MINK1: variants seen among roughly 807,000 people sequenced by gnomAD.
MINK1 encodes the protein misshapen like kinase 1.
A neutral mutation model predicts 178.4 loss-of-function variants in MINK1; 46 were observed. That is an observed-to-expected ratio of 0.26 (90% confidence interval 0.20 to 0.33). The LOEUF (loss-of-function observed/expected upper bound fraction) is 0.33. Ranked by LOEUF, MINK1 falls within the 10% of genes least tolerant of loss-of-function variation. The pLI is 1.00. For missense variants in MINK1, 1,366 were observed against 1,814.9 expected (o/e 0.75, Z 4.49); for synonymous variants, 797 against 709.7 (o/e 1.12, Z -1.96).
At position 4,895,755 on chromosome 17, in the gene MINK1, A is replaced by C; in HGVS notation, c.3287A>C (p.His1096Pro). 6.2e-7 allele frequency: 1 copy of C among 1,613,882 alleles called. No homozygotes were observed. The highest frequency in any genetic ancestry group is 8.5e-7 in the Non-Finnish European group (1 of 1,179,822). Residue 1096 changes from histidine to proline, a missense_variant, in exon 27 of 32, where the codon CAC becomes CCC. Coordinates refer to ENST00000355280, the MANE Select transcript of MINK1 (RefSeq NM_153827.5). The surrounding 1 kb of genome is among the most constrained non-coding windows in gnomAD (Gnocchi z 4.3). ...TCCTGGCTCCGGAACAAGATTCTGC[A>C]CAATGACCCAGAAGTGGAGAAGAAG... The part of the protein sequence containing the change: ...YLSWLRNKIL[H>P]NDPEVEKKQG...
rs747418447 is a variant in MINK1 at position 4,894,665 on chromosome 17, C to T, written c.2917+32C>T. On this transcript the variant is annotated intron_variant, in intron 24 of 31. Coordinates refer to ENST00000355280, the MANE Select transcript of MINK1 (RefSeq NM_153827.5). The surrounding 1 kb of genome is among the most constrained non-coding windows in gnomAD (Gnocchi z 4.1). ...ACAGGAGGACAGACCTGCTGTGAGG[C>T]CAGGGTCCAGGGGCAGCCTGGAGGG... 1.3e-6 allele frequency: 2 copies of T among 1,521,384 alleles called. No individual in the cohort carries two copies. The highest frequency in any genetic ancestry group is 2.3e-5 in the East Asian group (1 of 42,616). The allele number at this position is 1,521,384 out of a possible 1,614,324, so 94.2% of individuals were successfully genotyped here. A position where few individuals can be genotyped will look rare whatever the true frequency, so the allele number is the denominator to read the frequency against.
At chr17:4,841,194 T>C (rs1443818019) in intron 1 of MINK1, among the ~76,000 whole-genome samples, 2 of 152,108 alleles carry the variant, frequency 1.3e-5, no homozygotes, top group African/African-American at 4.8e-5. Flanking sequence ...GCTTTTTGGT[T>C]CTGTCTTGGG....
chr17:4,862,676 G>A (rs1380132514), intron 1 of MINK1, among the ~76,000 whole-genome samples: 1 of 151,060 alleles, frequency 6.6e-6, no homozygotes. Context: ...AGAAAAATTA[G>A]TTGGTGTGTG....
chr17:4,893,602 G>A lies in MINK1; in HGVS notation c.2564+5G>A, dbSNP rs185255435. ...CAGAGATACCCCTGGGGGCCGGTACGGCATCGGGAGTGGGGCCCTCCCACT... is the reference window on the plus strand; with the variant it reads ...CAGAGATACCCCTGGGGGCCGGTACAGCATCGGGAGTGGGGCCCTCCCACT... On this transcript the variant is annotated splice_donor_5th_base_variant and intron_variant, in intron 21 of 31. Coordinates refer to ENST00000355280, the MANE Select transcript of MINK1 (RefSeq NM_153827.5). 75 of 1,524,798 alleles carry A rather than the reference G, an allele frequency of 4.9e-5. No homozygotes were observed. The highest frequency in any genetic ancestry group is 1.9e-4 in the Middle Eastern group (1 of 5,146). 94.5% of individuals were successfully genotyped at this position (1,524,798 alleles called of 1,614,324 possible). A position where few individuals can be genotyped will look rare whatever the true frequency, so the allele number is the denominator to read the frequency against.
chr17:4,884,593 G>A, intron 5 of MINK1, 120 bp downstream of exon 5: 1 of 745,352 alleles, frequency 1.3e-6, no homozygotes, highest in Non-Finnish European at 2.3e-6. Context: ...GGAGCAGCAG[G>A]CCTGATGCGG....
At chr17:4,872,537 C>A (rs1342059941) in intron 1 of MINK1, among the ~76,000 whole-genome samples, 5 of 152,064 alleles carry the variant, frequency 3.3e-5, no homozygotes, top group African/African-American at 1.2e-4. Flanking sequence ...CTTTGGGAGG[C>A]CGAGGTGGGT....
At chr17:4,867,930 C>G (rs1211390882) in intron 1 of MINK1, among the ~76,000 whole-genome samples, 2 of 151,794 alleles carry the variant, frequency 1.3e-5, no homozygotes. Flanking sequence ...TCCATTACCT[C>G]AAACGCTTAT....
rs1969657499 is a variant in MINK1, at chr17:4,897,359, C to T, written c.*72C>T. The T allele has an allele frequency of 2.2e-6, 3 of 1,385,160 alleles. No individual in the cohort carries two copies. Among genetic ancestry groups the T allele is most frequent in the South Asian group, 2.4e-5 (2 of 83,874 alleles). 85.8% of individuals were successfully genotyped at this position (1,385,160 alleles called of 1,614,324 possible). ...CTGCAGCCAGGCTTCCCGGGCCGCC[C>T]CTCTTTCCCCTCCCTGGGCTTTTGC... On this transcript the variant is annotated 3_prime_UTR_variant, in exon 32 of 32. Transcript: ENST00000355280.
At chr17:4,837,217 C>T (rs1011354979) in intron 1 of MINK1, among the ~76,000 whole-genome samples, 7 of 152,256 alleles carry the variant, frequency 4.6e-5, no homozygotes, top group South Asian at 2.1e-4. Context: ...ACAAACAGTT[C>T]GGTGAAAGCT....
Position 4,891,575 on chromosome 17 carries a change from C to T in MINK1, c.1860C>T (p.Asp620=). ...LAAFPASHDP[D]PAIPAPTATP... ...CCTTCCCAGCCTCCCATGACCCCGA[C>T]CCTGCCATCCCCGCACCCACTGCCA... Residue 620 remains aspartate, a synonymous_variant, in exon 16 of 32, where the codon GAC becomes GAT. Coordinates refer to ENST00000355280, the MANE Select transcript of MINK1 (RefSeq NM_153827.5). 2 of 1,606,172 alleles carry T rather than the reference C, an allele frequency of 1.2e-6. No individual in the cohort carries two copies. The highest frequency in any genetic ancestry group is 2.2e-5 in the East Asian group (1 of 44,450).
intron 1 of MINK1, among the ~76,000 whole-genome samples, chr17:4,867,074 A>AAAAATAATAAT (rs1915099156): frequency 8.3e-6 from 1 of 119,966 alleles, no homozygotes; most frequent in African/African-American, 3.3e-5. Context: ...ACTCGTCTCA[A>AAAAATAATAAT]AATAATAATA....
chr17:4,897,655 T>G lies in MINK1; in HGVS notation c.*368T>G. On this transcript the variant is annotated 3_prime_UTR_variant, in exon 32 of 32. Transcript: ENST00000355280. ...TGGGCAGGGCCCTGGACCCCTTTAT[T>G]TGCACGTCAGGGGAGCCGGCTCCCC... 1.7e-5 allele frequency: 3 copies of G among 173,870 alleles called. No individual in the cohort carries two copies. Among genetic ancestry groups the G allele is most frequent in the Non-Finnish European group, 3.7e-5 (3 of 82,166 alleles). 10.8% of individuals were successfully genotyped at this position (173,870 alleles called of 1,614,324 possible).
chr17:4,863,733 C>G (rs1012766903), intron 1 of MINK1, among the ~76,000 whole-genome samples: 1 of 152,040 alleles, frequency 6.6e-6, no homozygotes, highest in Non-Finnish European at 1.5e-5. Context: ...CTAAAGTGCT[C>G]GGCAGTACCA....
chr17:4,856,424 G>C (rs917167457), intron 1 of MINK1, among the ~76,000 whole-genome samples: 2 of 151,690 alleles, frequency 1.3e-5, no homozygotes, highest in East Asian at 1.9e-4. Context: ...TCTCTCTTAC[G>C]TACTCACACT....
At chr17:4,893,265 T>C (rs1200192704) in intron 20 of MINK1, 169 bp from the exon 21 acceptor site, 1 of 1,613,710 alleles carries the variant, frequency 6.2e-7, no homozygotes, top group Admixed American at 1.7e-5. Flanking sequence ...TGGCTCTTTC[T>C]TCCCCTGCGG....
At position 4,894,621 on chromosome 17, in the gene MINK1, A is replaced by G. The variant is rs756758204; in HGVS notation, c.2905A>G (p.Ile969Val). 6.2e-6 allele frequency: 10 copies of G among 1,603,532 alleles called. No individual in the cohort carries two copies. The Admixed American group carries it at 1.7e-4, about 27-fold the overall frequency. ...CCAGCCTGGAGGCAGTGGGGACAGCATCCCCATCACAGGTGAGGACAGGAG... is the reference window on the plus strand; with the variant it reads ...CCAGCCTGGAGGCAGTGGGGACAGCGTCCCCATCACAGGTGAGGACAGGAG... Reference protein sequence around the residue: ...IYQPGGSGDSIPITALVGGEG... With the variant: ...IYQPGGSGDSVPITALVGGEG... The change falls in exon 24 of 32, where the codon ATC (isoleucine) becomes GTC (valine). Residue 969 changes from isoleucine (I) to valine (V), a missense_variant. Around this residue, in one of 14 missense-constraint regions of MINK1, gnomAD observed 709 missense variants for 692.3 expected, o/e 1.02. Transcript: ENST00000355280. This position sits in a 1 kb window ranked among gnomAD's most constrained non-coding sequence, Gnocchi z 4.1.
At chr17:4,848,771 A>G (rs986345609) in intron 1 of MINK1, among the ~76,000 whole-genome samples, 2 of 152,346 alleles carry the variant, frequency 1.3e-5, no homozygotes, top group Middle Eastern at 3.4e-3. Flanking sequence ...TGCTGGGATT[A>G]CAGGCCTAAG....
chr17:4,847,140 G>T (rs773626620), intron 1 of MINK1: 1 of 471,286 alleles, frequency 2.1e-6, no homozygotes, highest in Admixed American at 2.3e-5. Flanking sequence ...CTAACACAAC[G>T]GGCTGTTTGA....
chr17:4,856,123 A>C (rs1490997249), intron 1 of MINK1, among the ~76,000 whole-genome samples: 1 of 152,074 alleles, frequency 6.6e-6, no homozygotes, highest in Non-Finnish European at 1.5e-5. Context: ...AGGAACATTT[A>C]ATCTGTCTCA....
Sources: gnomAD v4.1 joint callset for allele counts (sites outside exome capture counted in the v4.1 genomes callset) on GRCh38, gnomAD v4.1.1 for gene constraint, gnomAD v4.1.1 regional missense constraint, Gnocchi (gnomAD v3.1) non-coding constraint, MANE v1.5 for transcripts, NCBI Gene and HGNC (gene_info 2026-07-23, HGNC 2026-07-21) for gene names.